Variants in ELN observed in about 807,000 individuals in gnomAD.
ELN encodes the protein elastin.
A neutral mutation model predicts 105.8 loss-of-function variants in ELN; 65 were observed. The ratio of observed to expected loss-of-function variants is 0.61; its 90% CI spans 0.50 to 0.75. The LOEUF is 0.75. Among genes scored for constraint, ELN ranks in the 30% least tolerant of loss-of-function variants. The pLI is 0.00. For missense variants in ELN, 882 were observed against 969.4 expected (o/e 0.91, Z 1.20); for synonymous variants, 368 against 389.2 (o/e 0.95, Z 0.64).
At chr7:74,044,423 G>A (rs1791979450) in intron 9 of ELN, among the ~76,000 whole-genome samples, 1 of 152,110 alleles carries the variant, frequency 6.6e-6, no homozygotes, top group Non-Finnish European at 1.5e-5. Context: ...TCCCCTGAAG[G>A]TCAACCAGCC....
chr7:74,066,086 C>T, intron 31 of ELN, 89 bp downstream of exon 31: 1 of 1,580,302 alleles, frequency 6.3e-7, no homozygotes, highest in Non-Finnish European at 8.7e-7. Flanking sequence ...CTCCCAGAGC[C>T]CATGTCCACA....
Position 74,056,705 on chromosome 7 carries a change from C to A in ELN, c.1349C>A (p.Ala450Asp). Residue 450 changes from alanine to aspartate, a missense_variant, in exon 21 of 33, where the codon GCC becomes GAC. Ala to Asp is a moderately radical substitution (Grantham distance 126, BLOSUM62 -2). Coordinates refer to ENST00000252034, the MANE Select transcript of ELN (RefSeq NM_000501.4). ...CAGGCAGCAGCTGCCGCCAAGGCTG[C>A]CAAGTACGGTAAGTGCCCCTGCCCT... Reference protein sequence around the residue: ...EAQAAAAAKAAKYGVGTPAAA... With the variant: ...EAQAAAAAKADKYGVGTPAAA... The A allele has an allele frequency of 6.2e-7, 1 of 1,613,816 alleles. No homozygotes were observed. Among genetic ancestry groups the A allele is most frequent in the Non-Finnish European group, 8.5e-7 (1 of 1,180,022 alleles).
chr7:74,040,970 A>G (rs1176365453), intron 4 of ELN, among the ~76,000 whole-genome samples: 1 of 152,164 alleles, frequency 6.6e-6, no homozygotes, highest in African/African-American at 2.4e-5. Context: ...GGCTTCTAGG[A>G]GAAGCACAGG....
intron 1 of ELN, among the ~76,000 whole-genome samples, chr7:74,030,463 G>T (rs1323342519): frequency 9.3e-6 from 1 of 107,020 alleles, no homozygotes; most frequent in African/African-American, 4.0e-5. Context: ...ATAGTATCAG[G>T]GATTTTTTTT....
chr7:74,028,225 T>C lies in ELN; in HGVS notation c.38T>C (p.Val13Ala), dbSNP rs1319397320. Residue 13 changes from valine to alanine, a missense_variant, in exon 1 of 33, where the codon GTC becomes GCC. Physicochemically the swap from Val to Ala is moderately conservative, Grantham distance 64. Transcript: ENST00000252034. The part of the protein sequence containing the change: ...GLTAAAPRPG[V>A]LLLLLSILHP... ...ACGGCGGCGGCCCCGCGGCCCGGAG[T>C]CCTCCTGCTCCTGCTGTCCATCCTC... 6.2e-7 allele frequency: 1 copy of C among 1,609,550 alleles called. No individual in the cohort carries two copies. Among genetic ancestry groups the C allele is most frequent in the Non-Finnish European group, 8.5e-7 (1 of 1,179,338 alleles).
rs1356896610 is a variant in ELN at position 74,054,751 on chromosome 7, G to A, written c.1132G>A (p.Ala378Thr). 2 of 1,614,048 alleles carry A rather than the reference G, an allele frequency of 1.2e-6. No homozygotes were observed. The highest frequency in any genetic ancestry group is 1.7e-5 in the Admixed American group (1 of 60,014). ...ACCAGAAGCAGCTGCTAAGGCAGCT[G>A]CAAAGGCAGCCAAATACGGTGAGTG... ...VSPEAAAKAAAKAAKYGARPG... is the reference protein window; with the variant it reads ...VSPEAAAKAATKAAKYGARPG... The change falls in exon 19 of 33, where the codon GCA becomes ACA. Residue 378 changes from alanine to threonine, a missense_variant. Ala to Thr is a moderately conservative substitution (Grantham distance 58). Coordinates refer to ENST00000252034, the MANE Select transcript of ELN (RefSeq NM_000501.4).
rs782463169 is a variant in ELN, at chr7:74,042,597, C to T, written c.233-17C>T. 3 of 1,611,674 alleles carry T rather than the reference C, an allele frequency of 1.9e-6. No individual in the cohort carries two copies. The South Asian group carries it at 3.3e-5, about 18-fold the overall frequency. On this transcript the variant is annotated splice_polypyrimidine_tract_variant and intron_variant, in intron 5 of 32. Coordinates refer to ENST00000252034, the MANE Select transcript of ELN (RefSeq NM_000501.4). The stretch of plus-strand genomic sequence containing the variant: ...GGTGTGGTAGCTCAGGACCTCACCC[C>T]ATCCTCCCCTCCGCAGGGCTCGGCG...
At chr7:74,060,071 C>T in intron 23 of ELN, 24 bp downstream of exon 23, 2 of 1,614,172 alleles carry the variant, frequency 1.2e-6, no homozygotes, top group Non-Finnish European at 1.7e-6. Context: ...GTCAATGAGC[C>T]TGAGGGGCCC....
intron 15 of ELN, among the ~76,000 whole-genome samples, chr7:74,050,594 C>T (rs1167680014): frequency 6.6e-6 from 1 of 151,356 alleles, no homozygotes; most frequent in Non-Finnish European, 1.5e-5. Context: ...CCCATCCATC[C>T]ATTCACCCAT....
chr7:74,040,055 A>G (rs781856669), intron 4 of ELN, among the ~76,000 whole-genome samples: 1 of 152,182 alleles, frequency 6.6e-6, no homozygotes, highest in Non-Finnish European at 1.5e-5. Context: ...GAGGGCAGGC[A>G]GAGACAGAAG....
chr7:74,058,190 T>G (rs1309408747), intron 22 of ELN, among the ~76,000 whole-genome samples: 1 of 150,462 alleles, frequency 6.6e-6, no homozygotes, highest in African/African-American at 2.4e-5. Flanking sequence ...CTCCTCCTCC[T>G]GCTTCTCCTT....
At chr7:74,034,530 A>G (rs1789471905) in intron 1 of ELN, among the ~76,000 whole-genome samples, 1 of 152,162 alleles carries the variant, frequency 6.6e-6, no homozygotes, top group Non-Finnish European at 1.5e-5. Context: ...GAACATACTG[A>G]CACCCCATCT....
In ELN at chr7:74,056,690, C is replaced by A. The variant is rs1441183879; in HGVS notation, c.1334C>A (p.Ala445Asp). Reference protein sequence around the residue: ...VGISPEAQAAAAAKAAKYGVG... With the variant: ...VGISPEAQAADAAKAAKYGVG... ...CTTGTAGCCGAAGCTCAGGCAGCAG[C>A]TGCCGCCAAGGCTGCCAAGTACGGT... The change falls in exon 21 of 33, where the codon GCT (alanine) becomes GAT (aspartate). Residue 445 changes from alanine (A) to aspartate (D), a missense_variant. Ala to Asp is a moderately radical substitution (Grantham distance 126). Transcript: ENST00000252034. 1 of 1,613,764 alleles carries A rather than the reference C, an allele frequency of 6.2e-7. No homozygotes were observed. Among genetic ancestry groups the A allele is most frequent in the African/African-American group, 1.3e-5 (1 of 74,940 alleles).
chr7:74,063,884 C>G lies in ELN; in HGVS notation c.1993+189C>G, dbSNP rs190257610. ...CTAGTAGGCCAAGGTGGGCGGATCACTAGAGGTGAGGAGTTTGAGACCAGC... is the reference window on the plus strand; with the variant it reads ...CTAGTAGGCCAAGGTGGGCGGATCAGTAGAGGTGAGGAGTTTGAGACCAGC... On this transcript the variant is annotated intron_variant, in intron 29 of 32. Coordinates refer to ENST00000252034, the MANE Select transcript of ELN (RefSeq NM_000501.4). This position sits in a 1 kb window ranked among gnomAD's most constrained non-coding sequence, Gnocchi z 4.1. Among the ~76,000 whole-genome samples the G allele has an allele frequency of 1.7e-3, 264 of 152,188 alleles. 1 individual carries two copies. The highest frequency in any genetic ancestry group is 0.017 in the Middle Eastern group (5 of 290).
At chr7:74,067,666 A>G in intron 32 of ELN, among the ~76,000 whole-genome samples, 1 of 150,520 alleles carries the variant, frequency 6.6e-6, no homozygotes, top group Non-Finnish European at 1.5e-5. Flanking sequence ...TGAACCCGGG[A>G]GGCGGAGCAT....
intron 10 of ELN, among the ~76,000 whole-genome samples, chr7:74,045,563 A>G (rs1202585902): frequency 6.6e-6 from 1 of 151,842 alleles, no homozygotes; most frequent in Non-Finnish European, 1.5e-5. Context: ...ACATAGCAAG[A>G]CCTTATCTCT....
Position 74,060,401 on chromosome 7 carries a change from C to T in ELN, c.1647C>T (p.Gly549=), listed in dbSNP as rs782327412. ...QLRAAAGLGA[G]IPGLGVGVGV... ...GAGCTGCAGCTGGGCTTGGTGCTGGCATCCCTGGACTTGGAGTTGGTGTCG... is the reference window on the plus strand; with the variant it reads ...GAGCTGCAGCTGGGCTTGGTGCTGGTATCCCTGGACTTGGAGTTGGTGTCG... Residue 549 remains glycine (G), a synonymous_variant, in exon 25 of 33, where the codon GGC becomes GGT. Coordinates refer to ENST00000252034, the MANE Select transcript of ELN (RefSeq NM_000501.4). 6.2e-7 allele frequency: 1 copy of T among 1,614,130 alleles called. No homozygotes were observed. Among genetic ancestry groups the T allele is most frequent in the South Asian group, 1.1e-5 (1 of 91,084 alleles).
At chr7:74,052,163 C>T in intron 17 of ELN, 180 bp downstream of exon 17, 1 of 718,954 alleles carries the variant, frequency 1.4e-6, no homozygotes, top group South Asian at 1.8e-5. Flanking sequence ...TTGTTTTGCC[C>T]TGATTAACTC....
chr7:74,046,395 C>T (rs1206097608), intron 11 of ELN, among the ~76,000 whole-genome samples, 178 bp downstream of exon 11: 1 of 152,262 alleles, frequency 6.6e-6, no homozygotes, highest in Admixed American at 6.5e-5. Flanking sequence ...GCTCCCCCCA[C>T]TGGCATAGCA....
Sources: gnomAD v4.1 joint callset for allele counts (sites outside exome capture counted in the v4.1 genomes callset) on GRCh38, gnomAD v4.1.1 for gene constraint, Gnocchi (gnomAD v3.1) non-coding constraint, MANE v1.5 for transcripts, NCBI Gene and HGNC (gene_info 2026-07-23, HGNC 2026-07-21) for gene names.